SPAG16: variants seen among roughly 807,000 people sequenced by gnomAD.
SPAG16 encodes the protein sperm associated antigen 16.
A neutral mutation model predicts 80.4 loss-of-function variants in SPAG16; 86 were observed. The observed-to-expected ratio is 1.07, with a 90% CI of 0.90 to 1.28. The LOEUF (loss-of-function observed/expected upper bound fraction) is 1.28. SPAG16 is among the 50% of genes most tolerant of loss of function. SPAG16 has a pLI of 0.00. For synonymous variants in SPAG16, 294 were observed against 265.9 expected, an observed-to-expected ratio of 1.11 and a Z score of -1.03; for missense variants, 870 against 765.3, an observed-to-expected ratio of 1.14 and a Z score of -1.61.
At chr2:214,158,362 A>T (rs1280483534) in intron 15 of SPAG16, among the ~76,000 whole-genome samples, 1 of 152,084 alleles carries the variant, frequency 6.6e-6, no homozygotes, top group Non-Finnish European at 1.5e-5. Context: ...AAAATTTGAT[A>T]TAAAAATATT....
chr2:213,944,117 T>C (rs2079335976), intron 12 of SPAG16, among the ~76,000 whole-genome samples: 2 of 152,168 alleles, frequency 1.3e-5, no homozygotes, highest in African/African-American at 4.8e-5. Flanking sequence ...ATCTCAACTT[T>C]AAAGGGCAAG....
chr2:213,837,557 G>C (rs766491085), intron 10 of SPAG16, among the ~76,000 whole-genome samples: 1 of 151,942 alleles, frequency 6.6e-6, no homozygotes, highest in Non-Finnish European at 1.5e-5. Flanking sequence ...CTAAGACATC[G>C]GGCTATTTTC....
intron 12 of SPAG16, among the ~76,000 whole-genome samples, chr2:214,003,763 A>T (rs2046902915): frequency 6.6e-6 from 1 of 152,192 alleles, no homozygotes; most frequent in South Asian, 2.1e-4. Flanking sequence ...ATATAGTTGA[A>T]TCATTAACAT....
chr2:213,904,939 A>G (rs1472517932), intron 11 of SPAG16, among the ~76,000 whole-genome samples: 1 of 152,174 alleles, frequency 6.6e-6, no homozygotes, highest in Admixed American at 6.5e-5. Context: ...ATGAGAAACC[A>G]TTGGAGAGTT....
At chr2:213,406,185 G>A (rs2068598924) in intron 9 of SPAG16, among the ~76,000 whole-genome samples, 1 of 152,070 alleles carries the variant, frequency 6.6e-6, no homozygotes, top group African/African-American at 2.4e-5. Flanking sequence ...ATTGGATAGT[G>A]GAGCTTTGTA....
At position 213,307,188 on chromosome 2, in the gene SPAG16, G is replaced by GT. The variant is rs537206078; in HGVS notation, c.280-2862dup. On this transcript the variant is annotated intron_variant, in intron 3 of 15. Transcript: ENST00000331683. ...GTAATAAACATCAGTGTTGAATTTT[G>GT]TTTTTTTTTATTTTTTTTACTTTAT... Among the ~76,000 whole-genome samples, 526 of 150,766 alleles carry GT rather than the reference G, an allele frequency of 3.5e-3. 2 individuals carry two copies. The highest frequency in any genetic ancestry group is 5.6e-3 in the Non-Finnish European group (381 of 67,630).
intron 13 of SPAG16, among the ~76,000 whole-genome samples, chr2:214,059,675 T>G (rs919189484): frequency 1.1e-4 from 16 of 152,268 alleles, no homozygotes; most frequent in African/African-American, 3.6e-4. Context: ...TAGTAATAAT[T>G]TATTGGGAAC....
At chr2:214,254,414 C>A (rs1215891220) in intron 15 of SPAG16, among the ~76,000 whole-genome samples, 5 of 152,068 alleles carry the variant, frequency 3.3e-5, no homozygotes, top group South Asian at 2.1e-4. Flanking sequence ...ATGACATTGG[C>A]TATGGGTTTG....
At chr2:213,373,045 A>C (rs1432787299) in intron 8 of SPAG16, among the ~76,000 whole-genome samples, 2 of 152,186 alleles carry the variant, frequency 1.3e-5, no homozygotes, top group African/African-American at 4.8e-5. Context: ...GAAAGTATGC[A>C]TGCCTTAAAA....
chr2:214,389,825 A>G lies in SPAG16; in HGVS notation c.1721-20315A>G, dbSNP rs956709377. Among the ~76,000 whole-genome samples the G allele has an allele frequency of 2.4e-4, 37 of 152,202 alleles. 1 individual carries two copies. The highest frequency in any genetic ancestry group is 2.4e-3 in the Admixed American group (37 of 15,284). ...ACTAAACTGCCAGTTATATTGCCTC[A>G]TCTGTTTTTCAAGATACCTCATTCC... On this transcript the variant is annotated intron_variant, in intron 15 of 15. Coordinates refer to ENST00000331683, the MANE Select transcript of SPAG16 (RefSeq NM_024532.5).
intron 9 of SPAG16, among the ~76,000 whole-genome samples, chr2:213,377,607 G>T (rs1254625509): frequency 6.6e-6 from 1 of 152,152 alleles, no homozygotes; most frequent in Non-Finnish European, 1.5e-5. Flanking sequence ...TTGTAATGGT[G>T]GTGGTGTGTG....
chr2:213,454,903 A>G (rs1023590154), intron 9 of SPAG16, among the ~76,000 whole-genome samples: 1 of 152,210 alleles, frequency 6.6e-6, no homozygotes, highest in Non-Finnish European at 1.5e-5. Context: ...TCTGTTAGAC[A>G]CACACCCCTT....
At chr2:213,872,053 C>G (rs957332526) in intron 11 of SPAG16, among the ~76,000 whole-genome samples, 1 of 152,188 alleles carries the variant, frequency 6.6e-6, no homozygotes, top group African/African-American at 2.4e-5. Context: ...TGTTATATGA[C>G]AAAGTGCCAT....
chr2:213,683,579 C>T (rs1199007263), intron 10 of SPAG16, among the ~76,000 whole-genome samples: 2 of 151,878 alleles, frequency 1.3e-5, no homozygotes, highest in Non-Finnish European at 2.9e-5. Context: ...ATAAATACCA[C>T]TTAACTATGT....
At chr2:213,458,145 A>G (rs2072147226) in intron 9 of SPAG16, among the ~76,000 whole-genome samples, 1 of 152,082 alleles carries the variant, frequency 6.6e-6, no homozygotes, top group Non-Finnish European at 1.5e-5. Flanking sequence ...AGACTCCATT[A>G]TTATTGTTAA....
chr2:213,819,609 A>G (rs1331778408), intron 10 of SPAG16, among the ~76,000 whole-genome samples: 1 of 152,176 alleles, frequency 6.6e-6, no homozygotes, highest in Non-Finnish European at 1.5e-5. Flanking sequence ...CAATGGCACA[A>G]TTATAGCTCA....
chr2:213,616,019 C>T (rs2061583708), intron 10 of SPAG16, among the ~76,000 whole-genome samples: 1 of 152,110 alleles, frequency 6.6e-6, no homozygotes, highest in African/African-American at 2.4e-5. Context: ...CGTAACAAAC[C>T]TGCATGTTCT....
At chr2:214,180,207 G>A (rs997531168) in intron 15 of SPAG16, among the ~76,000 whole-genome samples, 2 of 151,592 alleles carry the variant, frequency 1.3e-5, no homozygotes, top group Non-Finnish European at 3.0e-5. Context: ...ACCCAGTGGT[G>A]TATGCTTGAG....
chr2:214,256,580 G>GT (rs35009507), intron 15 of SPAG16, among the ~76,000 whole-genome samples: 97,759 of 151,190 alleles, frequency 0.65, 31,767 homozygotes, highest in South Asian at 0.71. Flanking sequence ...CTGGGCGAGA[G>GT]TTTTTGTTGT....
Sources: allele counts gnomAD v4.1 joint callset (sites outside exome capture counted in the v4.1 genomes callset), GRCh38; gene constraint gnomAD v4.1.1; transcripts MANE v1.5; gene names NCBI Gene and HGNC (gene_info 2026-07-23, HGNC 2026-07-21).